Variants in FIP1L1 observed in about 807,000 individuals in gnomAD.
The protein encoded by FIP1L1 is factor interacting with PAPOLA and CPSF1.
Under a neutral mutation model 84.6 loss-of-function variants are expected in FIP1L1, and 21 were observed. That is an observed-to-expected ratio of 0.25 (90% CI 0.18 to 0.36). The LOEUF (loss-of-function observed/expected upper bound fraction) is 0.36, where lower values mean the gene tolerates loss of function less well. FIP1L1 is among the 10% of genes least tolerant of loss of function. The probability of loss-of-function intolerance (pLI) is 1.00; values close to 1 mark genes in which losing one functional copy is unlikely to be tolerated. For missense variants in FIP1L1, 526 were observed against 751.1 expected (o/e 0.70, Z 3.50); for synonymous variants, 263 against 242.3 (o/e 1.09, Z -0.80).
intron 5 of FIP1L1, among the ~76,000 whole-genome samples, chr4:53,384,641 A>G (rs1560485665): frequency 6.6e-6 from 1 of 152,104 alleles, no homozygotes; most frequent in Admixed American, 6.6e-5. Context: ...TTTGTCTCCA[A>G]TTTTGTATTC....
At chr4:53,416,464 G>A (rs1037353978) in intron 11 of FIP1L1, among the ~76,000 whole-genome samples, 3 of 152,114 alleles carry the variant, frequency 2.0e-5, no homozygotes, top group African/African-American at 4.8e-5. Context: ...TGTGTAATTC[G>A]GAAAGCCTCT....
chr4:53,385,297 GAC>G (rs1383571966), intron 5 of FIP1L1, among the ~76,000 whole-genome samples: 1 of 152,078 alleles, frequency 6.6e-6, no homozygotes, highest in Non-Finnish European at 1.5e-5. Context: ...TGAAGCAAAT[GAC>G]AATTTTTTTG....
At chr4:53,399,904 A>AT in intron 10 of FIP1L1, 65 bp downstream of exon 10, 1 of 1,074,740 alleles carries the variant, frequency 9.3e-7, no homozygotes, top group Non-Finnish European at 1.4e-6. Context: ...TATTTGTGCT[A>AT]TATTAAGTAT....
At chr4:53,455,704 C>T (rs1485626719) in intron 16 of FIP1L1, among the ~76,000 whole-genome samples, 1 of 151,858 alleles carries the variant, frequency 6.6e-6, no homozygotes, top group Admixed American at 6.6e-5. Context: ...AAATTGATAT[C>T]GATGCATAAT....
intron 15 of FIP1L1, among the ~76,000 whole-genome samples, chr4:53,452,479 C>A (rs940739809): frequency 6.6e-6 from 1 of 152,084 alleles, no homozygotes; most frequent in Non-Finnish European, 1.5e-5. Context: ...CCACCATGCC[C>A]GGCAAATTTT....
chr4:53,444,546 T>C (rs1450430677), intron 15 of FIP1L1, among the ~76,000 whole-genome samples: 1 of 152,254 alleles, frequency 6.6e-6, no homozygotes, highest in Non-Finnish European at 1.5e-5. Context: ...TCTGACCCCA[T>C]TTTCTTTTGC....
chr4:53,389,901 A>G (rs1743229535), intron 6 of FIP1L1, 28 bp downstream of exon 6: 3 of 1,542,242 alleles, frequency 1.9e-6, no homozygotes, highest in South Asian at 1.2e-5. Flanking sequence ...TGTTGCATCA[A>G]TAGGGAAATA....
chr4:53,417,642 C>CAAA (rs57635694), intron 11 of FIP1L1, among the ~76,000 whole-genome samples: 674 of 46,116 alleles, frequency 0.015, 21 homozygotes, highest in East Asian at 0.029. Context: ...AACTCCTTCT[C>CAAA]AAAAAAAAAA....
chr4:53,398,520 A>G (rs958536755), intron 9 of FIP1L1, among the ~76,000 whole-genome samples: 2 of 152,234 alleles, frequency 1.3e-5, no homozygotes, highest in African/African-American at 4.8e-5. Context: ...ATATCAGTCA[A>G]AATGTCTTGA....
intron 10 of FIP1L1, among the ~76,000 whole-genome samples, chr4:53,412,308 A>C (rs570050199): frequency 1.3e-5 from 2 of 152,250 alleles, no homozygotes; most frequent in East Asian, 3.9e-4. Flanking sequence ...AAAGTCAGAA[A>C]ATCTAATAGT....
chr4:53,403,149 G>A (rs1193559698), intron 10 of FIP1L1, among the ~76,000 whole-genome samples: 2 of 152,166 alleles, frequency 1.3e-5, no homozygotes, highest in African/African-American at 4.8e-5. Context: ...GGAGTGAAGT[G>A]TGGGGTCAAG....
intron 11 of FIP1L1, among the ~76,000 whole-genome samples, chr4:53,419,543 C>G (rs1017141387): frequency 1.3e-5 from 2 of 152,246 alleles, no homozygotes; most frequent in African/African-American, 4.8e-5. Flanking sequence ...CAGGCTCAAG[C>G]AGTCCTCCCA....
At chr4:53,420,892 A>G (rs1762147936) in intron 11 of FIP1L1, among the ~76,000 whole-genome samples, 1 of 152,190 alleles carries the variant, frequency 6.6e-6, no homozygotes, top group South Asian at 2.1e-4. Flanking sequence ...ATTTTTTATG[A>G]GCTACTTTAA....
intron 11 of FIP1L1, among the ~76,000 whole-genome samples, chr4:53,417,793 T>A (rs879681754): frequency 0.12 from 13,270 of 114,964 alleles, 1,596 homozygotes; most frequent in South Asian, 0.29. Context: ...TCTCTCTCTC[T>A]CTCTCTCTCT....
At chr4:53,402,285 TAGAAAG>T (rs908331872) in intron 10 of FIP1L1, among the ~76,000 whole-genome samples, 5 of 152,068 alleles carry the variant, frequency 3.3e-5, no homozygotes, top group African/African-American at 1.2e-4. Context: ...GGAAAAGAAT[TAGAAAG>T]AGAAAATATG....
chr4:53,460,821 A>C lies in FIP1L1; in HGVS notation c.*1372A>C. The C allele has an allele frequency of 7.9e-7, 1 of 1,271,382 alleles. No individual in the cohort carries two copies. The highest frequency in any genetic ancestry group is 1.1e-6 in the Non-Finnish European group (1 of 912,334). The allele number at this position is 1,271,382 out of a possible 1,614,324, so 78.8% of individuals were successfully genotyped here. ...TTTTTACAATGTATTCTTTCTTTAA[A>C]TATAAAAACTGACAAGATAAATATA... On this transcript the variant is annotated 3_prime_UTR_variant, in exon 18 of 18. Coordinates refer to ENST00000337488, the MANE Select transcript of FIP1L1 (RefSeq NM_030917.4).
intron 13 of FIP1L1, chr4:53,440,842 C>T (rs1190382771): frequency 4.4e-6 from 2 of 458,482 alleles, no homozygotes; most frequent in Non-Finnish European, 7.9e-6. Context: ...AAATTCTTAC[C>T]TATTCAATTT....
At chr4:53,392,542 AT>A (rs772589027) in intron 9 of FIP1L1, among the ~76,000 whole-genome samples, 13 of 152,234 alleles carry the variant, frequency 8.5e-5, no homozygotes, top group Non-Finnish European at 5.9e-5. Flanking sequence ...TTTCTGGGTT[AT>A]ATTGTCTATA....
At position 53,460,310 on chromosome 4, in the gene FIP1L1, G is replaced by A. The variant is rs573429232; in HGVS notation, c.*861G>A. 11 of 189,704 alleles carry A rather than the reference G, an allele frequency of 5.8e-5. No individual in the cohort carries two copies. The highest frequency in any genetic ancestry group is 1.9e-4 in the African/African-American group (8 of 42,964). 11.8% of individuals were successfully genotyped at this position (189,704 alleles called of 1,614,324 possible). On this transcript the variant is annotated 3_prime_UTR_variant, in exon 18 of 18. Coordinates refer to ENST00000337488, the MANE Select transcript of FIP1L1 (RefSeq NM_030917.4). ...CAAGTTTATAATTAATTCTCTGAGC[G>A]AGCATTTTTAGGGATAAGCCTAGGA...
Sources: allele counts gnomAD v4.1 joint callset (sites outside exome capture counted in the v4.1 genomes callset), GRCh38; gene constraint gnomAD v4.1.1; transcripts MANE v1.5; gene names NCBI Gene and HGNC (gene_info 2026-07-23, HGNC 2026-07-21).